MYH3: variants seen among roughly 807,000 people sequenced by gnomAD.
MYH3 encodes the protein myosin-3.
Under a neutral mutation model 238.0 loss-of-function variants are expected in MYH3, and 130 were observed. That is an observed-to-expected ratio of 0.55 (90% CI 0.47 to 0.63). The LOEUF is 0.63. MYH3 is among the 30% of genes least tolerant of loss of function. The probability of loss-of-function intolerance (pLI) is 0.00; values close to 1 mark genes in which losing one functional copy is unlikely to be tolerated. For synonymous variants in MYH3, 880 were observed against 924.1 expected, an observed-to-expected ratio of 0.95 and a Z score of 0.86; for missense variants, 1,853 against 2,374.9, an observed-to-expected ratio of 0.78 and a Z score of 4.57.
chr17:10,666,764 A>T, the MYH3 span, among the ~76,000 whole-genome samples: 2 of 151,642 alleles, frequency 1.3e-5, no homozygotes, highest in Non-Finnish European at 2.9e-5. Flanking sequence ...AAAAACAAAA[A>T]CAAAACAAAA....
At position 10,630,088 on chromosome 17, in the gene MYH3, TTACCTGG is replaced by T. The variant is rs1190744976; in HGVS notation, c.5559_5562+3del. 6.2e-7 allele frequency: 1 copy of T among 1,613,362 alleles called. No homozygotes were observed. The highest frequency in any genetic ancestry group is 8.5e-7 in the Non-Finnish European group (1 of 1,179,382). On this transcript the variant is annotated splice_donor_variant and splice_donor_region_variant and coding_sequence_variant and intron_variant, in exon 38 of 41. Coordinates refer to ENST00000583535, the MANE Select transcript of MYH3 (RefSeq NM_002470.4). LOFTEE classifies it high-confidence loss of function. ...CACGATCATGGCGTTTGCGTTCCAC[TTACCTGG>T]TACGTCAGCTCCTTGACCCTCCGCT...
chr17:10,652,172 C>G (rs983469282), intron 4 of MYH3: 1 of 568,350 alleles, frequency 1.8e-6, no homozygotes, highest in Admixed American at 2.5e-5. Context: ...AGTCACAGCA[C>G]CCCGTGACCA....
chr17:10,643,307 GT>G (rs1417964722), intron 14 of MYH3, among the ~76,000 whole-genome samples: 5 of 151,222 alleles, frequency 3.3e-5, no homozygotes, highest in Non-Finnish European at 7.4e-5. Context: ...AAGCTCATCT[GT>G]TTTTTTCACC....
intron 1 of MYH3, among the ~76,000 whole-genome samples, chr17:10,656,634 G>T (rs567288745): frequency 1.1e-4 from 16 of 152,184 alleles, no homozygotes; most frequent in Non-Finnish European, 1.8e-4. Context: ...AGCCAGGCAG[G>T]GAGGAAAAAC....
chr17:10,637,081 CAG>C (rs1389004496), intron 28 of MYH3, among the ~76,000 whole-genome samples: 4 of 145,356 alleles, frequency 2.8e-5, no homozygotes, highest in African/African-American at 1.0e-4. Flanking sequence ...TTTTTTGAGA[CAG>C]AGTTTCATTC....
intron 19 of MYH3, 28 bp from the exon 20 acceptor site, chr17:10,640,714 A>G: frequency 6.2e-7 from 1 of 1,612,164 alleles, no homozygotes. Flanking sequence ...AAATCATCAC[A>G]GACTGTTGGC....
chr17:10,628,554 G>T lies in MYH3; in HGVS notation c.*99C>A. The T allele has an allele frequency of 1.5e-6, 2 of 1,341,606 alleles. No individual in the cohort carries two copies. The highest frequency in any genetic ancestry group is 1.4e-5 in the African/African-American group (1 of 69,490). 83.1% of individuals were successfully genotyped at this position (1,341,606 alleles called of 1,614,324 possible). On this transcript the variant is annotated 3_prime_UTR_variant, in exon 41 of 41. Coordinates refer to ENST00000583535, the MANE Select transcript of MYH3 (RefSeq NM_002470.4). ...AGATTGAAACAAAGCAAAGTTTATTGCATGTGAAAAAGAGTCACATGGACA... is the reference window on the plus strand; with the variant it reads ...AGATTGAAACAAAGCAAAGTTTATTTCATGTGAAAAAGAGTCACATGGACA...
At chr17:10,637,655 G>A (rs1030521135) in intron 28 of MYH3, among the ~76,000 whole-genome samples, 154 bp downstream of exon 28, 1 of 152,088 alleles carries the variant, frequency 6.6e-6, no homozygotes, top group Non-Finnish European at 1.5e-5. Flanking sequence ...TATTTCAAAT[G>A]GCTCTTTCTA....
the MYH3 span, chr17:10,674,756 G>C: frequency 6.6e-6 from 1 of 152,348 alleles, no homozygotes; most frequent in African/African-American, 2.4e-5. Context: ...GAGACCAGGA[G>C]GCTCTCACAG....
At chr17:10,629,475 G>T in intron 40 of MYH3, 122 bp downstream of exon 40, 4 of 1,328,698 alleles carry the variant, frequency 3.0e-6, no homozygotes, top group Non-Finnish European at 4.2e-6. Flanking sequence ...GTGACTTTAA[G>T]CACTTTCTCT....
rs1364060844 is a variant in MYH3, at chr17:10,635,157, T to C, written c.4173-134A>G. 12 of 1,307,864 alleles carry C rather than the reference T, an allele frequency of 9.2e-6. No individual in the cohort carries two copies. The Admixed American group carries it at 1.0e-4, about 11-fold the overall frequency. The allele number at this position is 1,307,864 out of a possible 1,614,324, so 81.0% of individuals were successfully genotyped here. A position where few individuals can be genotyped will look rare whatever the true frequency, so the allele number is the denominator to read the frequency against. On this transcript the variant is annotated intron_variant, in intron 30 of 40. Transcript: ENST00000583535. ...TTTTTATACGCCCAGGAGAATTTCC[T>C]GTCTACTCAAAATCTGGGATCAATA...
intron 40 of MYH3, 146 bp downstream of exon 40, chr17:10,629,451 G>T: frequency 2.1e-6 from 2 of 972,368 alleles, no homozygotes; most frequent in Non-Finnish European, 3.0e-6. Flanking sequence ...TCTAGCGAGG[G>T]TCCAGTCAGC....
chr17:10,630,235 C>A, intron 37 of MYH3, 39 bp from the exon 38 acceptor site: 5 of 1,613,582 alleles, frequency 3.1e-6, no homozygotes, highest in Non-Finnish European at 4.2e-6. Flanking sequence ...GGGGCTGCAG[C>A]GTGATTGGGA....
At chr17:10,647,963 C>T (rs974317424) in intron 8 of MYH3, among the ~76,000 whole-genome samples, 2 of 152,274 alleles carry the variant, frequency 1.3e-5, no homozygotes, top group African/African-American at 2.4e-5. Flanking sequence ...CCCACTTCAA[C>T]GTATCTAGTC....
chr17:10,661,289 TAAAAAA>T (rs34393718), upstream of MYH3, among the ~76,000 whole-genome samples: 1 of 49,668 alleles, frequency 2.0e-5, no homozygotes, highest in Non-Finnish European at 3.5e-5. Context: ...AGACTCCATC[TAAAAAA>T]AAAAAAAAAA....
rs1162983271 is a variant in MYH3, at chr17:10,655,070, C to A, written c.-6G>T. On this transcript the variant is annotated splice_region_variant and 5_prime_UTR_variant, in exon 3 of 41. Transcript: ENST00000583535. ...ATTTCAGTGTCACTACTCATGGTGTCAGCTGGAAGGCAAACCCACCCGGTG... is the reference window on the plus strand; with the variant it reads ...ATTTCAGTGTCACTACTCATGGTGTAAGCTGGAAGGCAAACCCACCCGGTG... The A allele has an allele frequency of 3.1e-6, 5 of 1,613,990 alleles. No individual in the cohort carries two copies. Among genetic ancestry groups the A allele is most frequent in the Non-Finnish European group, 4.2e-6 (5 of 1,179,942 alleles).
chr17:10,660,708 T>A (rs1215941181), upstream of MYH3, among the ~76,000 whole-genome samples: 3 of 132,092 alleles, frequency 2.3e-5, no homozygotes, highest in Non-Finnish European at 3.2e-5. Flanking sequence ...CAGCCGGGCA[T>A]GGTGGCTCAT....
chr17:10,669,421 C>T, the MYH3 span, among the ~76,000 whole-genome samples: 2 of 151,978 alleles, frequency 1.3e-5, no homozygotes, highest in African/African-American at 4.8e-5. Context: ...GGCATGGTGG[C>T]TGGCGCCTGT....
chr17:10,670,641 T>A, the MYH3 span, among the ~76,000 whole-genome samples: 2 of 152,122 alleles, frequency 1.3e-5, no homozygotes, highest in African/African-American at 2.4e-5. This position sits in a 1 kb window ranked among gnomAD's most constrained non-coding sequence, Gnocchi z 7.0. Context: ...AAAGTTAATA[T>A]ATGTTCATTT....
Sources: allele counts gnomAD v4.1 joint callset (sites outside exome capture counted in the v4.1 genomes callset), GRCh38; gene constraint gnomAD v4.1.1; non-coding constraint Gnocchi (gnomAD v3.1); transcripts MANE v1.5; gene names NCBI Gene and HGNC (gene_info 2026-07-23, HGNC 2026-07-21).